Variants in CARNMT1 observed in about 807,000 individuals in gnomAD.
CARNMT1 encodes the protein carnosine N-methyltransferase 1.
Under a neutral mutation model 49.6 loss-of-function variants are expected in CARNMT1, and 28 were observed. That is an observed-to-expected ratio of 0.56 (90% CI 0.42 to 0.77). The LOEUF (loss-of-function observed/expected upper bound fraction) is 0.77, where lower values mean the gene tolerates loss of function less well. CARNMT1 is among the 30% of genes least tolerant of loss of function. The pLI is 0.00. For synonymous variants in CARNMT1, 178 were observed against 175.0 expected, an observed-to-expected ratio of 1.02 and a Z score of -0.13; for missense variants, 421 against 512.6, an observed-to-expected ratio of 0.82 and a Z score of 1.73.
At position 74,999,870 on chromosome 9, in the gene CARNMT1, C is replaced by A; in HGVS notation, c.591G>T (p.Trp197Cys). 1 of 1,595,158 alleles carries A rather than the reference C, an allele frequency of 6.3e-7. No individual in the cohort carries two copies. Among genetic ancestry groups the A allele is most frequent in the Non-Finnish European group, 8.5e-7 (1 of 1,173,394 alleles). ...EILKNFPKERWDPSKVNILVP... is the reference protein window; with the variant it reads ...EILKNFPKERCDPSKVNILVP... The stretch of plus-strand genomic sequence containing the variant: ...CCAGAATATTTACTTTAGAAGGATC[C>A]CTGAAATGAAATAAGGCAATTATGT... Residue 197 changes from tryptophan to cysteine, a missense_variant and splice_region_variant, in exon 4 of 8, where the codon TGG becomes TGT. Trp to Cys is a radical substitution (Grantham distance 215). Coordinates refer to ENST00000376834, the MANE Select transcript of CARNMT1 (RefSeq NM_152420.3).
At chr9:74,999,312 G>C (rs1457585311) in intron 4 of CARNMT1, among the ~76,000 whole-genome samples, 4 of 152,270 alleles carry the variant, frequency 2.6e-5, no homozygotes, top group African/African-American at 9.6e-5. Flanking sequence ...TCAGTCATGA[G>C]AGCATACTTG....
At position 74,983,022 on chromosome 9, in the gene CARNMT1, T is replaced by C. The variant is rs1423932752; in HGVS notation, c.*745A>G. The C allele has an allele frequency of 6.6e-6, 1 of 152,188 alleles. No individual in the cohort carries two copies. Among genetic ancestry groups the C allele is most frequent in the Non-Finnish European group, 1.5e-5 (1 of 68,046 alleles). The allele number at this position is 152,188 out of a possible 1,614,324, so 9.4% of individuals were successfully genotyped here. On this transcript the variant is annotated 3_prime_UTR_variant, in exon 8 of 8. Transcript: ENST00000376834. The stretch of plus-strand genomic sequence containing the variant: ...TTAACATTTCATAAAAAAGAAATGT[T>C]TGATGCTTCTTTAAGTTCATCTGAG...
intron 6 of CARNMT1, among the ~76,000 whole-genome samples, chr9:74,993,243 G>C (rs1310929344): frequency 6.6e-6 from 1 of 152,062 alleles, no homozygotes; most frequent in African/African-American, 2.4e-5. Flanking sequence ...AAGAAATACA[G>C]AATACTTAAC....
chr9:74,983,745 C>A lies in CARNMT1; in HGVS notation c.*22G>T. On this transcript the variant is annotated 3_prime_UTR_variant, in exon 8 of 8. Coordinates refer to ENST00000376834, the MANE Select transcript of CARNMT1 (RefSeq NM_152420.3). ...CATTTGTTCTTACTAAACTTTTTTC[C>A]AGGTGGTATCACTTGAGACCATTAT... 2 of 1,428,666 alleles carry A rather than the reference C, an allele frequency of 1.4e-6. No homozygotes were observed. Among genetic ancestry groups the A allele is most frequent in the South Asian group, 1.3e-5 (1 of 76,822 alleles). The allele number at this position is 1,428,666 out of a possible 1,614,324, so 88.5% of individuals were successfully genotyped here.
intron 3 of CARNMT1, among the ~76,000 whole-genome samples, chr9:75,004,204 G>T (rs1182873847): frequency 1.3e-5 from 2 of 152,224 alleles, no homozygotes; most frequent in African/African-American, 4.8e-5. Context: ...TGACAAATAA[G>T]CCACATTGTT....
chr9:75,005,827 A>AATAC (rs1454911459), intron 3 of CARNMT1, among the ~76,000 whole-genome samples: 1 of 135,688 alleles, frequency 7.4e-6, no homozygotes, highest in Non-Finnish European at 1.6e-5. Context: ...GTGAAATTAA[A>AATAC]ACACACACAC....
At chr9:74,987,569 A>C (rs1444754951) in intron 6 of CARNMT1, among the ~76,000 whole-genome samples, 1 of 152,162 alleles carries the variant, frequency 6.6e-6, no homozygotes, top group Non-Finnish European at 1.5e-5. Context: ...ACATTCTAGA[A>C]AAGGGAAAAC....
chr9:74,996,641 T>TA (rs2118781449), intron 5 of CARNMT1, 81 bp from the exon 6 acceptor site: 1 of 750,448 alleles, frequency 1.3e-6, no homozygotes, highest in East Asian at 2.6e-5. Flanking sequence ...ATCTGCCAGT[T>TA]ACCTTTTACA....
At chr9:75,012,951 G>A (rs1032924415) in intron 3 of CARNMT1, among the ~76,000 whole-genome samples, 1 of 151,852 alleles carries the variant, frequency 6.6e-6, no homozygotes, top group African/African-American at 2.4e-5. Flanking sequence ...TATATGTACT[G>A]TTAAATCAGA....
intron 6 of CARNMT1, among the ~76,000 whole-genome samples, chr9:74,987,740 T>C (rs1832886830): frequency 6.6e-6 from 1 of 152,010 alleles, no homozygotes; most frequent in Non-Finnish European, 1.5e-5. Context: ...CATCAAACTG[T>C]ACATTTGTAA....
intron 3 of CARNMT1, among the ~76,000 whole-genome samples, chr9:75,002,660 C>CA (rs1234163500): frequency 6.6e-6 from 1 of 151,844 alleles, no homozygotes; most frequent in African/African-American, 2.4e-5. Flanking sequence ...CAGAGGCAGT[C>CA]AAAAAAAATT....
chr9:75,026,084 T>C (rs1822519961), intron 1 of CARNMT1, among the ~76,000 whole-genome samples: 1 of 152,230 alleles, frequency 6.6e-6, no homozygotes, highest in Non-Finnish European at 1.5e-5. Flanking sequence ...ATATTTTTGA[T>C]GTTATACTAT....
intron 1 of CARNMT1, 38 bp from the exon 2 acceptor site, chr9:75,017,486 A>T (rs764991448): frequency 6.4e-7 from 1 of 1,570,002 alleles, no homozygotes; most frequent in Admixed American, 1.7e-5. Context: ...TCACAAAAGA[A>T]TTCTCACCAG....
At position 75,028,081 on chromosome 9, in the gene CARNMT1, G is replaced by A; in HGVS notation, c.161C>T (p.Thr54Ile). 16 of 1,566,132 alleles carry A rather than the reference G, an allele frequency of 1.0e-5. No individual in the cohort carries two copies. The highest frequency in any genetic ancestry group is 2.5e-5 in the East Asian group (1 of 39,870). ...SAAAAAATRS[T>I]EEEEERLERE... ...CTCAAGCCTCTCCTCCTCCTCCTCG[G>A]TGCTGCGCGTGGCCGCCGCCGCTGC... The change falls in exon 1 of 8, where the codon ACC (threonine) becomes ATC (isoleucine). Residue 54 changes from threonine to isoleucine, a missense_variant. By Grantham distance (89) the Thr-to-Ile change is moderately conservative (BLOSUM62 -1). Around this residue, in one of 2 missense-constraint regions of CARNMT1, gnomAD observed 186 missense variants for 167.9 expected, o/e 1.11. Transcript: ENST00000376834.
chr9:74,985,115 A>C, intron 6 of CARNMT1, 105 bp from the exon 7 acceptor site: 1 of 848,506 alleles, frequency 1.2e-6, no homozygotes, highest in Non-Finnish European at 1.8e-6. Flanking sequence ...TGAGACAAAC[A>C]TAAAAAGTCT....
chr9:75,026,325 T>C (rs1226984102), intron 1 of CARNMT1, among the ~76,000 whole-genome samples: 1 of 152,178 alleles, frequency 6.6e-6, no homozygotes, highest in Non-Finnish European at 1.5e-5. Flanking sequence ...TACCCATAAA[T>C]ATCAATTTTA....
At chr9:75,028,393 G>T (rs1356420504), upstream of CARNMT1, 8 of 1,293,554 alleles carry the variant, frequency 6.2e-6, no homozygotes, top group South Asian at 1.0e-4. Context: ...GCCTCCATCC[G>T]CGCTGGGCTC....
At chr9:75,002,609 G>T (rs751472711) in intron 3 of CARNMT1, among the ~76,000 whole-genome samples, 1 of 152,086 alleles carries the variant, frequency 6.6e-6, no homozygotes, top group Non-Finnish European at 1.5e-5. Flanking sequence ...TAAAAAATAT[G>T]GCTGCCCTGA....
At position 74,985,009 on chromosome 9, in the gene CARNMT1, A is replaced by T; in HGVS notation, c.1026T>A (p.Gly342=). 6.2e-7 allele frequency: 1 copy of T among 1,607,188 alleles called. No individual in the cohort carries two copies. The highest frequency in any genetic ancestry group is 8.5e-7 in the Non-Finnish European group (1 of 1,173,894). ...LKPGGIWINL[G]PLLYHFENLA... Reference sequence around the variant, plus strand: ...GATTTTCAAAGTGGTACAGCAGAGGACCTATGGTTTAAAGATACTATGAAT... The same window carrying T: ...GATTTTCAAAGTGGTACAGCAGAGGTCCTATGGTTTAAAGATACTATGAAT... The change falls in exon 7 of 8, where the codon GGT becomes GGA. Residue 342 remains glycine, a splice_region_variant and synonymous_variant. Coordinates refer to ENST00000376834, the MANE Select transcript of CARNMT1 (RefSeq NM_152420.3).
Sources: allele counts gnomAD v4.1 joint callset (sites outside exome capture counted in the v4.1 genomes callset), GRCh38; gene constraint gnomAD v4.1.1; regional missense constraint gnomAD v4.1.1; transcripts MANE v1.5; gene names NCBI Gene and HGNC (gene_info 2026-07-23, HGNC 2026-07-21).